DIAPH3: variants seen among roughly 807,000 people sequenced by gnomAD.
DIAPH3 encodes diaphanous related formin 3.
Under a neutral mutation model 144.3 loss-of-function variants are expected in DIAPH3, and 117 were observed. The observed-to-expected ratio is 0.81, with a 90% CI of 0.70 to 0.95. DIAPH3 has a LOEUF of 0.95. Ranked by LOEUF, DIAPH3 falls within the 40% of genes least tolerant of loss-of-function variation. DIAPH3 has a pLI of 0.00. For missense variants in DIAPH3, 1,421 were observed against 1,412.7 expected (o/e 1.01, Z -0.09); for synonymous variants, 519 against 488.9 (o/e 1.06, Z -0.81).
chr13:59,681,893 T>A (rs963928816), intron 27 of DIAPH3, among the ~76,000 whole-genome samples: 5 of 152,214 alleles, frequency 3.3e-5, no homozygotes, highest in Non-Finnish European at 5.9e-5. Flanking sequence ...ATAACATTTT[T>A]AAACTGTAAA....
chr13:60,013,249 G>A (rs929154303), intron 7 of DIAPH3: 1 of 977,962 alleles, frequency 1.0e-6, no homozygotes, highest in Non-Finnish European at 1.2e-6. Context: ...GCTAATAGAT[G>A]GAATTTCAGG....
At chr13:59,937,458 A>C (rs1422194178) in intron 17 of DIAPH3, among the ~76,000 whole-genome samples, 1 of 152,224 alleles carries the variant, frequency 6.6e-6, no homozygotes, top group Non-Finnish European at 1.5e-5. Flanking sequence ...AAACCAGCTT[A>C]CTAGTATTTG....
At chr13:59,673,108 G>C (rs1395825909) in intron 27 of DIAPH3, among the ~76,000 whole-genome samples, 1 of 152,154 alleles carries the variant, frequency 6.6e-6, no homozygotes, top group African/African-American at 2.4e-5. Context: ...AGATGACGCA[G>C]GCTCTGTGCA....
At chr13:59,927,653 T>C (rs2047818808) in intron 17 of DIAPH3, among the ~76,000 whole-genome samples, 1 of 152,132 alleles carries the variant, frequency 6.6e-6, no homozygotes, top group Admixed American at 6.5e-5. Context: ...CTATACTGAG[T>C]AAAGCATTCT....
At chr13:59,972,746 T>C (rs1488627464) in intron 15 of DIAPH3, among the ~76,000 whole-genome samples, 1 of 152,182 alleles carries the variant, frequency 6.6e-6, no homozygotes, top group East Asian at 1.9e-4. Flanking sequence ...AATAGTTCAT[T>C]TGATAAAGTG....
At chr13:59,868,791 C>T (rs2044082255) in intron 21 of DIAPH3, among the ~76,000 whole-genome samples, 2 of 152,156 alleles carry the variant, frequency 1.3e-5, no homozygotes, top group African/African-American at 4.8e-5. Context: ...TTGCCACTTA[C>T]AGAACATCAC....
intron 24 of DIAPH3, among the ~76,000 whole-genome samples, chr13:59,822,899 T>C (rs779755409): frequency 4.0e-5 from 6 of 151,364 alleles, no homozygotes; most frequent in Non-Finnish European, 5.9e-5. Context: ...GAACATACCA[T>C]TTTATTCATT....
chr13:59,884,239 T>G (rs935022169), intron 20 of DIAPH3, among the ~76,000 whole-genome samples: 7 of 152,134 alleles, frequency 4.6e-5, no homozygotes, highest in African/African-American at 1.7e-4. Flanking sequence ...TGTCGCTGTC[T>G]CCTATCACCC....
At chr13:59,947,710 G>A (rs2048871443) in intron 17 of DIAPH3, among the ~76,000 whole-genome samples, 1 of 151,288 alleles carries the variant, frequency 6.6e-6, no homozygotes, top group South Asian at 2.1e-4. Flanking sequence ...TCCAGCCTGG[G>A]CAACAGAGCA....
chr13:60,054,770 A>G (rs1337340468), intron 4 of DIAPH3, among the ~76,000 whole-genome samples: 1 of 151,956 alleles, frequency 6.6e-6, no homozygotes, highest in Non-Finnish European at 1.5e-5. Flanking sequence ...ATGCATTGCG[A>G]CTATTTCCTT....
At chr13:59,801,703 C>T (rs1265028049) in intron 25 of DIAPH3, among the ~76,000 whole-genome samples, 2 of 152,100 alleles carry the variant, frequency 1.3e-5, no homozygotes, top group African/African-American at 4.8e-5. Context: ...TTAAGGCTGC[C>T]CTCATTGTTA....
At chr13:59,807,414 A>G (rs1454374971) in intron 25 of DIAPH3, among the ~76,000 whole-genome samples, 1 of 152,096 alleles carries the variant, frequency 6.6e-6, no homozygotes, top group South Asian at 2.1e-4. Flanking sequence ...AGCTTCTTAA[A>G]TCATAGCTGT....
In DIAPH3 at chr13:60,088,072, G is replaced by T. The variant is rs370120955; in HGVS notation, c.495+5556C>A. On this transcript the variant is annotated intron_variant, in intron 4 of 27. Transcript: ENST00000400324. Reference sequence around the variant, plus strand: ...TAATGGTACAGCCAAAAAGTAAGGGGTGGGGCACGGGGGAGTGCAACATGC... The same window carrying T: ...TAATGGTACAGCCAAAAAGTAAGGGTTGGGGCACGGGGGAGTGCAACATGC... 5.9e-5 allele frequency among the ~76,000 whole-genome samples: 9 copies of T among 152,234 alleles called. No homozygotes were observed. The East Asian group carries it at 1.7e-3, about 29-fold the overall frequency.
intron 25 of DIAPH3, among the ~76,000 whole-genome samples, chr13:59,798,127 A>G (rs2039709565): frequency 6.6e-6 from 1 of 152,096 alleles, no homozygotes. Flanking sequence ...CTGCCTCTAA[A>G]CTGCCTTTCA....
intron 5 of DIAPH3, among the ~76,000 whole-genome samples, chr13:60,016,362 G>GT (rs2053648318): frequency 6.6e-6 from 1 of 152,210 alleles, no homozygotes; most frequent in Non-Finnish European, 1.5e-5. Flanking sequence ...GCACAGGCTT[G>GT]TAAGAGCAGA....
At chr13:59,835,896 A>G (rs1004887034) in intron 23 of DIAPH3, among the ~76,000 whole-genome samples, 6 of 151,932 alleles carry the variant, frequency 3.9e-5, no homozygotes, top group East Asian at 1.9e-4. Context: ...CTTTCTCTCA[A>G]TGAATTTACT....
At chr13:60,136,918 C>T (rs937757574) in intron 1 of DIAPH3, among the ~76,000 whole-genome samples, 5 of 148,982 alleles carry the variant, frequency 3.4e-5, no homozygotes, top group African/African-American at 1.0e-4. Flanking sequence ...CCAGCCTGGG[C>T]GACAGAGCGA....
chr13:59,762,724 T>G (rs2037666412), intron 27 of DIAPH3, among the ~76,000 whole-genome samples: 1 of 152,290 alleles, frequency 6.6e-6, no homozygotes, highest in Middle Eastern at 3.4e-3. Context: ...ATTCACATTT[T>G]CCCCTGATCT....
Position 59,887,063 on chromosome 13 carries a change from G to T in DIAPH3, c.2368-7595C>A, listed in dbSNP as rs573143552. ...GGATGTCCTTTATCAAAATGAGGAA[G>T]TTTCCTTCTATTTCTAGTTTGTTGA... On this transcript the variant is annotated intron_variant, in intron 20 of 27. Transcript: ENST00000400324. Among the ~76,000 whole-genome samples, 5 of 152,050 alleles carry T rather than the reference G, an allele frequency of 3.3e-5. No homozygotes were observed. In the East Asian group the frequency reaches 9.7e-4, roughly 29 times the overall value.
Sources: gnomAD v4.1 joint callset for allele counts (sites outside exome capture counted in the v4.1 genomes callset) on GRCh38, gnomAD v4.1.1 for gene constraint, MANE v1.5 for transcripts, NCBI Gene and HGNC (gene_info 2026-07-23, HGNC 2026-07-21) for gene names.